Variants in DDX19B observed in about 807,000 individuals in gnomAD.
DDX19B encodes the protein ATP-dependent RNA helicase DDX19B.
DDX19B carries 27 observed loss-of-function variants against 58.1 expected under a neutral mutation model. The ratio of observed to expected loss-of-function variants is 0.46; its 90% confidence interval spans 0.34 to 0.64. The LOEUF is 0.64. Ranked by LOEUF, DDX19B falls within the 30% of genes least tolerant of loss-of-function variation. The pLI is 0.01. For missense variants in DDX19B, 399 were observed against 596.5 expected (o/e 0.67, Z 3.45); for synonymous variants, 187 against 214.4 (o/e 0.87, Z 1.12).
In DDX19B at chr16:70,329,422, C is replaced by A. The variant is rs143802195; in HGVS notation, c.738C>A (p.Val246=). 150 of 1,613,856 alleles carry A rather than the reference C, an allele frequency of 9.3e-5. No individual in the cohort carries two copies. The highest frequency in any genetic ancestry group is 1.2e-4 in the Non-Finnish European group (139 of 1,180,010). ...IKVFVLDEAD[V]MIATQGHQDQ... ...TGTTTGTTCTGGATGAGGCTGATGT[C>A]ATGATAGCCACTCAGGGCCACCAAG... Residue 246 remains valine (V), a synonymous_variant, in exon 8 of 12, where the codon GTC becomes GTA. Coordinates refer to ENST00000288071, the MANE Select transcript of DDX19B (RefSeq NM_007242.7).
chr16:70,329,567 G>A, intron 8 of DDX19B, 98 bp downstream of exon 8: 1 of 1,534,974 alleles, frequency 6.5e-7, no homozygotes, highest in Non-Finnish European at 8.9e-7. Context: ...CTGGGTCTTG[G>A]CTCTCGTACT....
chr16:70,303,476 A>T (rs1366539393), intron 1 of DDX19B, among the ~76,000 whole-genome samples: 1 of 152,084 alleles, frequency 6.6e-6, no homozygotes, highest in African/African-American at 2.4e-5. Flanking sequence ...TATTCTCTCA[A>T]ACTACAACTT....
chr16:70,298,857 AAAAGGG>A (rs1269401476), upstream of DDX19B, among the ~76,000 whole-genome samples: 1 of 152,114 alleles, frequency 6.6e-6, no homozygotes, highest in Non-Finnish European at 1.5e-5. Flanking sequence ...TACCAATCTG[AAAAGGG>A]AAACAGCTCT....
At chr16:70,313,495 A>AAGGG (rs138198771) in intron 2 of DDX19B, among the ~76,000 whole-genome samples, 2,550 of 152,232 alleles carry the variant, frequency 0.017, 39 homozygotes, top group Middle Eastern at 0.031. Flanking sequence ...CACTGATAGC[A>AAGGG]AGGGTGTGGG....
chr16:70,317,079 G>A (rs1006184454), intron 4 of DDX19B, among the ~76,000 whole-genome samples: 1 of 151,916 alleles, frequency 6.6e-6, no homozygotes, highest in Non-Finnish European at 1.5e-5. Context: ...ATGTTGGCGG[G>A]TGCCTGTAGT....
intron 1 of DDX19B, among the ~76,000 whole-genome samples, chr16:70,299,646 G>T (rs1567621104): frequency 6.6e-6 from 1 of 152,106 alleles, no homozygotes; most frequent in Non-Finnish European, 1.5e-5. Flanking sequence ...GTTTTTAATT[G>T]AAATAGAGAC....
chr16:70,315,061 G>A (rs1962300615), intron 3 of DDX19B, 106 bp downstream of exon 3: 2 of 1,177,296 alleles, frequency 1.7e-6, no homozygotes, highest in Non-Finnish European at 2.5e-6. Context: ...ACTTTAATAG[G>A]CGATACAGTG....
upstream of DDX19B, among the ~76,000 whole-genome samples, chr16:70,293,787 A>C (rs1271550180): frequency 6.8e-6 from 1 of 146,950 alleles, no homozygotes; most frequent in African/African-American, 2.5e-5. Context: ...AATTTTTTGT[A>C]TTTTTAGTAG....
chr16:70,313,571 C>T, intron 2 of DDX19B, among the ~76,000 whole-genome samples: 1 of 152,104 alleles, frequency 6.6e-6, no homozygotes, highest in Non-Finnish European at 1.5e-5. Flanking sequence ...TTGACAAAGA[C>T]TAATTTTTTT....
Position 70,322,218 on chromosome 16 carries a change from A to G in DDX19B, c.390-2367A>G, listed in dbSNP as rs1962869914. ...AATTAAAAAAGAAATTAAATATACA[A>G]CACTTTATTCTAACTACAAGGGGCA... On this transcript the variant is annotated intron_variant, in intron 5 of 11. Transcript: ENST00000288071. 2.0e-5 allele frequency among the ~76,000 whole-genome samples: 3 copies of G among 152,056 alleles called. No individual in the cohort carries two copies. In the East Asian group the frequency reaches 5.8e-4, roughly 29 times the overall value.
At chr16:70,326,617 A>C (rs1172171135) in intron 7 of DDX19B, among the ~76,000 whole-genome samples, 2 of 152,022 alleles carry the variant, frequency 1.3e-5, no homozygotes, top group African/African-American at 2.4e-5. Flanking sequence ...GCTCACTGCA[A>C]CCTCTGCCCT....
intron 7 of DDX19B, 84 bp downstream of exon 7, chr16:70,325,772 A>G: frequency 9.8e-7 from 1 of 1,021,420 alleles, no homozygotes; most frequent in Non-Finnish European, 1.5e-6. Flanking sequence ...TAGTTGAAAT[A>G]ATACAATAAA....
chr16:70,324,611 A>G lies in DDX19B; in HGVS notation c.416A>G (p.Gln139Arg). ...CCACAGAACTTAATTGCCCAATCTCAGTCTGGTACTGGTAAAACAGCTGCC... is the reference window on the plus strand; with the variant it reads ...CCACAGAACTTAATTGCCCAATCTCGGTCTGGTACTGGTAAAACAGCTGCC... ...EPPQNLIAQSQSGTGKTAAFV... is the reference protein window; with the variant it reads ...EPPQNLIAQSRSGTGKTAAFV... Residue 139 changes from glutamine to arginine, a missense_variant, in exon 6 of 12, where the codon CAG (glutamine) becomes CGG (arginine). Gln to Arg is a conservative substitution (Grantham distance 43). This residue lies in a region of DDX19B where 2 missense variants were observed against 16.9 expected (regional missense o/e 0.12). Transcript: ENST00000288071. 1 of 1,613,686 alleles carries G rather than the reference A, an allele frequency of 6.2e-7. No homozygotes were observed. Among genetic ancestry groups the G allele is most frequent in the Non-Finnish European group, 8.5e-7 (1 of 1,179,936 alleles).
intron 10 of DDX19B, 75 bp downstream of exon 10, chr16:70,331,959 A>G: frequency 1.3e-6 from 2 of 1,576,220 alleles, no homozygotes; most frequent in Non-Finnish European, 1.7e-6. Flanking sequence ...AAATCCTTGT[A>G]CACAGGGAAG....
In DDX19B at chr16:70,316,109, G is replaced by A; in HGVS notation, c.296+5G>A. ...GTCTTTTGAAGAGCTTCGGCTGTGA[G>A]TATTTATTCACCTTCTGACTCTTCC... On this transcript the variant is annotated splice_donor_5th_base_variant and intron_variant, in intron 4 of 11. Transcript: ENST00000288071. 2.5e-6 allele frequency: 4 copies of A among 1,613,630 alleles called. No homozygotes were observed. The highest frequency in any genetic ancestry group is 3.4e-6 in the Non-Finnish European group (4 of 1,179,808).
intron 1 of DDX19B, among the ~76,000 whole-genome samples, chr16:70,300,173 G>A (rs967129521): frequency 5.9e-5 from 9 of 151,294 alleles, no homozygotes; most frequent in Non-Finnish European, 8.8e-5. Flanking sequence ...TAAAAACAAC[G>A]GTTCCCGCCA....
intron 1 of DDX19B, 33 bp downstream of exon 1, chr16:70,299,387 G>A (rs1961363592): frequency 6.3e-7 from 1 of 1,577,294 alleles, no homozygotes; most frequent in Non-Finnish European, 8.6e-7. Flanking sequence ...AGGGTCAGGG[G>A]ACTAGTTCTG....
Position 70,332,761 on chromosome 16 carries a change from A to T in DDX19B, c.1187-207A>T, listed in dbSNP as rs8053040. 0.071 allele frequency among the ~76,000 whole-genome samples: 10,834 copies of T among 152,086 alleles called. 1,294 individuals are homozygous for T. The highest frequency in any genetic ancestry group is 0.25 in the African/African-American group (10,233 of 41,424). On this transcript the variant is annotated intron_variant, in intron 10 of 11. Transcript: ENST00000288071. ...ACCCCCTGACCCGTGCTAGTTTGGT[A>T]TCTATGCCTGTAGCTTTGCTTTGGG...
chr16:70,289,997 T>A (rs929465241), upstream of DDX19B: 26 of 324,262 alleles, frequency 8.0e-5, no homozygotes, highest in African/African-American at 4.8e-4. Flanking sequence ...AGAAATAACA[T>A]CAGTAGTTCA....
Sources: allele counts gnomAD v4.1 joint callset (sites outside exome capture counted in the v4.1 genomes callset), GRCh38; gene constraint gnomAD v4.1.1; regional missense constraint gnomAD v4.1.1; transcripts MANE v1.5; gene names NCBI Gene and HGNC (gene_info 2026-07-23, HGNC 2026-07-21).